Variants in SIMC1 observed in about 807,000 individuals in gnomAD.
SIMC1 encodes SUMO-interacting motif-containing protein 1.
A neutral mutation model predicts 82.3 loss-of-function variants in SIMC1; 55 were observed. That is an observed-to-expected ratio of 0.67 (90% CI 0.54 to 0.84). The LOEUF (loss-of-function observed/expected upper bound fraction) is 0.84, where lower values mean the gene tolerates loss of function less well. Ranked by LOEUF, SIMC1 falls within the 40% of genes least tolerant of loss-of-function variation. The probability of loss-of-function intolerance (pLI) is 0.00; values close to 1 mark genes in which losing one functional copy is unlikely to be tolerated. For synonymous variants in SIMC1, 353 were observed against 426.3 expected, an observed-to-expected ratio of 0.83 and a Z score of 2.12; for missense variants, 915 against 1,107.2, an observed-to-expected ratio of 0.83 and a Z score of 2.46.
At chr5:176,311,570 A>G (rs1030539061) in intron 4 of SIMC1, among the ~76,000 whole-genome samples, 1 of 152,044 alleles carries the variant, frequency 6.6e-6, no homozygotes, top group Non-Finnish European at 1.5e-5. Context: ...AAAAGAGAGA[A>G]AGAATTATTT....
At chr5:176,318,991 C>G (rs1765037431) in intron 5 of SIMC1, among the ~76,000 whole-genome samples, 1 of 152,158 alleles carries the variant, frequency 6.6e-6, no homozygotes, top group Non-Finnish European at 1.5e-5. Context: ...CACCTGTGGT[C>G]CCAGCTACTC....
chr5:176,249,465 T>G (rs1323763438), intron 1 of SIMC1, among the ~76,000 whole-genome samples: 5 of 152,094 alleles, frequency 3.3e-5, no homozygotes, highest in Non-Finnish European at 7.4e-5. Context: ...TTATTATTTT[T>G]TATTGTATCT....
chr5:176,259,650 G>A (rs943365046), intron 1 of SIMC1, among the ~76,000 whole-genome samples: 4 of 151,796 alleles, frequency 2.6e-5, no homozygotes, highest in Non-Finnish European at 5.9e-5. Flanking sequence ...GCACGCGCCT[G>A]TAGTCCCACC....
Position 176,290,975 on chromosome 5 carries a change from C to G in SIMC1, c.1431+20C>G. The G allele has an allele frequency of 6.6e-7, 1 of 1,521,642 alleles. No individual in the cohort carries two copies. Among genetic ancestry groups the G allele is most frequent in the Non-Finnish European group, 8.8e-7 (1 of 1,132,006 alleles). The allele number at this position is 1,521,642 out of a possible 1,614,324, so 94.3% of individuals were successfully genotyped here. A position where few individuals can be genotyped will look rare whatever the true frequency, so the allele number is the denominator to read the frequency against. Reference sequence around the variant, plus strand: ...AGAGAGGTGAGCTAACATCTTCCCTCAGGGATTAGGTGTCCTTTCCCTAGG... The same window carrying G: ...AGAGAGGTGAGCTAACATCTTCCCTGAGGGATTAGGTGTCCTTTCCCTAGG... On this transcript the variant is annotated intron_variant, in intron 2 of 9. Transcript: ENST00000429602.
intron 1 of SIMC1, among the ~76,000 whole-genome samples, chr5:176,286,296 G>T (rs182158299): frequency 1.4e-4 from 18 of 127,832 alleles, no homozygotes; most frequent in Admixed American, 9.4e-4. Context: ...GAGATATAGA[G>T]CAATGGAACA....
intron 9 of SIMC1, among the ~76,000 whole-genome samples, chr5:176,342,533 G>T (rs1447946105): frequency 1.3e-5 from 2 of 152,190 alleles, no homozygotes; most frequent in Non-Finnish European, 2.9e-5. Flanking sequence ...CAGAGGCTGG[G>T]AAGTCCAAGG....
At position 176,290,078 on chromosome 5, in the gene SIMC1, T is replaced by G. The variant is rs772275875; in HGVS notation, c.554T>G (p.Leu185Arg). The change falls in exon 2 of 10, where the codon CTC becomes CGC. Residue 185 changes from leucine to arginine, a missense_variant. Physicochemically the swap from Leu to Arg is moderately radical, Grantham distance 102 (BLOSUM62 -2). This residue lies in a region of SIMC1 where 902 missense variants were observed against 1,040.3 expected (regional missense o/e 0.87). Coordinates refer to ENST00000429602, the MANE Select transcript of SIMC1 (RefSeq NM_001308195.2). ...CAGCTGTCTTCAGATGTTAGCTCCC[T>G]CTCCCCAACAAGCAATAATAGTAGG... ...SLQLSSDVSS[L>R]SPTSNNSRSS... 2 of 1,607,910 alleles carry G rather than the reference T, an allele frequency of 1.2e-6. No individual in the cohort carries two copies. Among genetic ancestry groups the G allele is most frequent in the African/African-American group, 2.7e-5 (2 of 74,730 alleles).
intron 1 of SIMC1, among the ~76,000 whole-genome samples, chr5:176,275,186 C>T (rs1013434015): frequency 1.3e-5 from 2 of 151,500 alleles, no homozygotes; most frequent in African/African-American, 4.8e-5. Flanking sequence ...TGAAGAGGTC[C>T]TTCACGTCCC....
chr5:176,345,512 A>G lies in SIMC1; in HGVS notation c.*67A>G. On this transcript the variant is annotated 3_prime_UTR_variant, in exon 10 of 10. Coordinates refer to ENST00000429602, the MANE Select transcript of SIMC1 (RefSeq NM_001308195.2). ...CTCTCTCCAACTGCTCAGAAGCTCT[A>G]AAAGCATGAAAAGTGGTTAAAATCT... is the stretch of plus-strand genomic sequence containing the variant. 1 of 1,507,704 alleles carries G rather than the reference A, an allele frequency of 6.6e-7. No individual in the cohort carries two copies. Among genetic ancestry groups the G allele is most frequent in the Non-Finnish European group, 8.9e-7 (1 of 1,127,360 alleles). The allele number at this position is 1,507,704 out of a possible 1,614,324, so 93.4% of individuals were successfully genotyped here. A position where few individuals can be genotyped will look rare whatever the true frequency, so the allele number is the denominator to read the frequency against.
intron 1 of SIMC1, among the ~76,000 whole-genome samples, chr5:176,249,460 A>G (rs1462920263): frequency 6.6e-6 from 1 of 151,770 alleles, no homozygotes; most frequent in African/African-American, 2.4e-5. Context: ...CCCCTTTATT[A>G]TTTTTTATTG....
At chr5:176,269,705 C>G (rs879780499) in intron 1 of SIMC1, among the ~76,000 whole-genome samples, 6 of 152,056 alleles carry the variant, frequency 3.9e-5, no homozygotes, top group Non-Finnish European at 5.9e-5. Flanking sequence ...AGAAAAATTA[C>G]AAAAATAGAA....
intron 7 of SIMC1, among the ~76,000 whole-genome samples, chr5:176,326,188 A>G (rs1032491227): frequency 6.6e-6 from 1 of 152,154 alleles, no homozygotes; most frequent in African/African-American, 2.4e-5. Context: ...CGTGCTTCCC[A>G]TCCCCATCCC....
chr5:176,327,113 G>A (rs917036843), intron 7 of SIMC1, among the ~76,000 whole-genome samples: 1 of 152,116 alleles, frequency 6.6e-6, no homozygotes, highest in Non-Finnish European at 1.5e-5. Flanking sequence ...ATTCATTCAT[G>A]TAAGCCCAGA....
chr5:176,345,804 A>G lies in SIMC1; in HGVS notation c.*359A>G, dbSNP rs1766448876. ...ACACCAATATTATGTCATTCAAGGT[A>G]CCGACAACCTGTTTCAGGAGAGAGA... On this transcript the variant is annotated 3_prime_UTR_variant, in exon 10 of 10. Coordinates refer to ENST00000429602, the MANE Select transcript of SIMC1 (RefSeq NM_001308195.2). 1 of 153,792 alleles carries G rather than the reference A, an allele frequency of 6.5e-6. No individual in the cohort carries two copies. Among genetic ancestry groups the G allele is most frequent in the Non-Finnish European group, 1.4e-5 (1 of 69,214 alleles). The allele number at this position is 153,792 out of a possible 1,614,324, so 9.5% of individuals were successfully genotyped here.
intron 1 of SIMC1, among the ~76,000 whole-genome samples, chr5:176,261,563 A>G (rs1218191382): frequency 1.3e-5 from 2 of 152,026 alleles, no homozygotes; most frequent in African/African-American, 2.4e-5. Context: ...CCTGGCCAAC[A>G]TGGCGAAACC....
intron 1 of SIMC1, among the ~76,000 whole-genome samples, chr5:176,253,460 C>T (rs927366156): frequency 1.3e-5 from 2 of 152,098 alleles, no homozygotes; most frequent in African/African-American, 2.4e-5. Context: ...GTGATCCACC[C>T]GCCTCAGCCT....
Position 176,334,180 on chromosome 5 carries a change from C to G in SIMC1, c.2172-2540C>G, listed in dbSNP as rs560139698. ...TGCTCCTGGTTATGAATTACATCTT[C>G]CTGCTTTTTTTACTTGTCTGGTAAT... On this transcript the variant is annotated intron_variant, in intron 7 of 9. Coordinates refer to ENST00000429602, the MANE Select transcript of SIMC1 (RefSeq NM_001308195.2). Among the ~76,000 whole-genome samples the G allele has an allele frequency of 2.0e-5, 3 of 152,272 alleles. No homozygotes were observed. In the South Asian group the frequency reaches 6.2e-4, roughly 32 times the overall value.
chr5:176,309,048 C>A, intron 4 of SIMC1: 1 of 759,052 alleles, frequency 1.3e-6, no homozygotes, highest in South Asian at 1.5e-5. Flanking sequence ...TGAAAATATC[C>A]AGTGTAAAGT....
chr5:176,313,906 T>C, intron 5 of SIMC1, 61 bp downstream of exon 5: 1 of 1,599,626 alleles, frequency 6.3e-7, no homozygotes. Flanking sequence ...GGGCAGCTGC[T>C]GAAGGCCAGA....
Sources: allele counts gnomAD v4.1 joint callset (sites outside exome capture counted in the v4.1 genomes callset), GRCh38; gene constraint gnomAD v4.1.1; regional missense constraint gnomAD v4.1.1; transcripts MANE v1.5; gene names NCBI Gene and HGNC (gene_info 2026-07-23, HGNC 2026-07-21).